DIP2C: variants seen among roughly 807,000 people sequenced by gnomAD.
DIP2C encodes disco-interacting protein 2 homolog C.
Under a neutral mutation model 192.4 loss-of-function variants are expected in DIP2C, and 33 were observed. The observed-to-expected ratio is 0.17, with a 90% confidence interval of 0.13 to 0.23. The LOEUF (loss-of-function observed/expected upper bound fraction) is 0.23. DIP2C is among the 10% of genes least tolerant of loss of function. The pLI is 1.00. For missense variants in DIP2C, 1,537 were observed against 2,110.1 expected, an observed-to-expected ratio of 0.73 and a Z score of 5.32; for synonymous variants, 979 against 864.1, an observed-to-expected ratio of 1.13 and a Z score of -2.33.
intron 32 of DIP2C, among the ~76,000 whole-genome samples, chr10:305,242 C>T (rs1956261692): frequency 6.6e-6 from 1 of 152,212 alleles, no homozygotes; most frequent in Non-Finnish European, 1.5e-5. Flanking sequence ...GGCAAGCTCG[C>T]ACATGTACAA....
At chr10:557,812 G>C (rs1848977811) in intron 1 of DIP2C, among the ~76,000 whole-genome samples, 2 of 87,344 alleles carry the variant, frequency 2.3e-5, no homozygotes, top group African/African-American at 4.6e-5. Context: ...CAGGCAGGCA[G>C]GGGGAGGGGG....
At chr10:649,151 C>A (rs903372869) in intron 1 of DIP2C, among the ~76,000 whole-genome samples, 1 of 131,046 alleles carries the variant, frequency 7.6e-6, no homozygotes, top group African/African-American at 2.9e-5. Flanking sequence ...CCACAGTGGA[C>A]GGTGGGCGAG....
At chr10:303,702 T>C (rs1225605543) in intron 32 of DIP2C, among the ~76,000 whole-genome samples, 1 of 152,104 alleles carries the variant, frequency 6.6e-6, no homozygotes, top group African/African-American at 2.4e-5. Context: ...TTTGTATTTT[T>C]AGTAGAGACG....
At chr10:514,474 C>CG (rs1564809277) in intron 1 of DIP2C, among the ~76,000 whole-genome samples, 1 of 152,202 alleles carries the variant, frequency 6.6e-6, no homozygotes, top group African/African-American at 2.4e-5. Flanking sequence ...CCTGCAGGGC[C>CG]GTTCGCAATG....
intron 25 of DIP2C, 79 bp from the exon 26 acceptor site, chr10:348,841 G>C (rs1295647867): frequency 2.6e-6 from 4 of 1,566,990 alleles, no homozygotes; most frequent in East Asian, 2.3e-5. Context: ...ATCAATGCTT[G>C]TCTGGGGCAA....
At chr10:491,791 T>C (rs1376198966) in intron 1 of DIP2C, among the ~76,000 whole-genome samples, 1 of 152,240 alleles carries the variant, frequency 6.6e-6, no homozygotes, top group Non-Finnish European at 1.5e-5. Context: ...CTATTTCACA[T>C]TCAATTCATG....
At chr10:676,536 T>A (rs1366337486) in intron 1 of DIP2C, among the ~76,000 whole-genome samples, 1 of 151,666 alleles carries the variant, frequency 6.6e-6, no homozygotes, top group East Asian at 1.9e-4. Flanking sequence ...AAAATCTCTT[T>A]GAACTGATAA....
chr10:608,049 A>G (rs143745405), intron 1 of DIP2C, among the ~76,000 whole-genome samples: 166 of 151,348 alleles, frequency 1.1e-3, no homozygotes, highest in African/African-American at 3.7e-3. Context: ...ATATGCACAA[A>G]TGTTCATCAG....
At chr10:353,979 G>C (rs1175316728) in intron 24 of DIP2C, among the ~76,000 whole-genome samples, 1 of 152,252 alleles carries the variant, frequency 6.6e-6, no homozygotes, top group Non-Finnish European at 1.5e-5. Flanking sequence ...AATGCCGTGA[G>C]GACGATGCTG....
At position 624,888 on chromosome 10, in the gene DIP2C, G is replaced by A. The variant is rs816561; in HGVS notation, c.85+64606C>T. 9.5e-3 allele frequency among the ~76,000 whole-genome samples: 1,439 copies of A among 152,178 alleles called. 23 individuals are homozygous for A. The highest frequency in any genetic ancestry group is 0.033 in the African/African-American group (1,391 of 41,530). Reference sequence around the variant, plus strand: ...GCCGGGAGAACCCGGGGGGGGAGCCGCACTGGGGACAGAGGGGTGGGCCCC... The same window carrying A: ...GCCGGGAGAACCCGGGGGGGGAGCCACACTGGGGACAGAGGGGTGGGCCCC... On this transcript the variant is annotated intron_variant, in intron 1 of 36. Transcript: ENST00000280886.
At chr10:458,906 A>G (rs957984360) in intron 3 of DIP2C, among the ~76,000 whole-genome samples, 1 of 151,856 alleles carries the variant, frequency 6.6e-6, no homozygotes, top group Non-Finnish European at 1.5e-5. Context: ...TATTTCCAAA[A>G]CTGACACTAA....
Position 633,727 on chromosome 10 carries a change from G to A in DIP2C, c.85+55767C>T, listed in dbSNP as rs186902330. Among the ~76,000 whole-genome samples the A allele has an allele frequency of 9.8e-5, 15 of 152,318 alleles. No homozygotes were observed. In the East Asian group the frequency reaches 2.9e-3, roughly 29 times the overall value. On this transcript the variant is annotated intron_variant, in intron 1 of 36. Coordinates refer to ENST00000280886, the MANE Select transcript of DIP2C (RefSeq NM_014974.3). ...TAAGAAAACTGACTAAAAACAGTAG[G>A]AGGAAAAACTCCCTCCACCCATTGA...
At chr10:672,565 G>A (rs957122031) in intron 1 of DIP2C, among the ~76,000 whole-genome samples, 2 of 152,188 alleles carry the variant, frequency 1.3e-5, no homozygotes, top group African/African-American at 4.8e-5. Context: ...TTAAACAGAA[G>A]GGCACTTCAC....
At chr10:600,238 T>C (rs1017518551) in intron 1 of DIP2C, among the ~76,000 whole-genome samples, 4 of 152,194 alleles carry the variant, frequency 2.6e-5, no homozygotes, top group African/African-American at 7.2e-5. Flanking sequence ...GAACCCTCAG[T>C]GACCAGGTTC....
At chr10:600,822 C>T (rs571642158) in intron 1 of DIP2C, among the ~76,000 whole-genome samples, 17 of 152,344 alleles carry the variant, frequency 1.1e-4, no homozygotes, top group Middle Eastern at 3.4e-3. Flanking sequence ...TTTATAACCA[C>T]GTCTCAACCA....
intron 1 of DIP2C, among the ~76,000 whole-genome samples, chr10:515,528 G>A (rs755494480): frequency 2.2e-4 from 34 of 152,102 alleles, no homozygotes; most frequent in Non-Finnish European, 3.2e-4. Flanking sequence ...TTCAAGACCA[G>A]CCTGGCCAAT....
intron 1 of DIP2C, among the ~76,000 whole-genome samples, chr10:596,496 C>CAAAAAAAAAAAAAA (rs56298679): frequency 1.7e-4 from 9 of 52,934 alleles, no homozygotes; most frequent in African/African-American, 5.9e-4. Context: ...AACTCCATCT[C>CAAAAAAAAAAAAAA]AAAAAAAAAA....
At chr10:490,847 T>G (rs531346728) in intron 1 of DIP2C, among the ~76,000 whole-genome samples, 2 of 152,106 alleles carry the variant, frequency 1.3e-5, no homozygotes, top group East Asian at 3.9e-4. Flanking sequence ...GAGGAGAGAT[T>G]TACACACAAG....
At chr10:599,294 C>G (rs935790379) in intron 1 of DIP2C, among the ~76,000 whole-genome samples, 5 of 152,148 alleles carry the variant, frequency 3.3e-5, no homozygotes, top group Non-Finnish European at 7.3e-5. Context: ...ATTTAAATAC[C>G]CGGCAAAAAC....
Sources: gnomAD v4.1 joint callset for allele counts (sites outside exome capture counted in the v4.1 genomes callset) on GRCh38, gnomAD v4.1.1 for gene constraint, MANE v1.5 for transcripts, NCBI Gene and HGNC (gene_info 2026-07-23, HGNC 2026-07-21) for gene names.